Variants in PSG3 observed in about 807,000 individuals in gnomAD.
PSG3 encodes the protein pregnancy specific beta-1-glycoprotein 3.
Under a neutral mutation model 47.5 loss-of-function variants are expected in PSG3, and 61 were observed. The ratio of observed to expected loss-of-function variants is 1.28; its 90% confidence interval spans 1.05 to 1.59. The LOEUF is 1.59. Among genes scored for constraint, PSG3 ranks in the 40% most tolerant of loss-of-function variants. PSG3 has a pLI of 0.00. For synonymous variants in PSG3, 263 were observed against 198.4 expected, an observed-to-expected ratio of 1.33 and a Z score of -2.74; for missense variants, 756 against 524.0, an observed-to-expected ratio of 1.44 and a Z score of -4.32.
intron 6 of PSG3, among the ~76,000 whole-genome samples, chr19:42,722,586 T>TA (rs1465208234): frequency 6.6e-6 from 1 of 152,194 alleles, no homozygotes; most frequent in African/African-American, 2.4e-5. Flanking sequence ...TTCCCATAAA[T>TA]ATTATTTAGA....
At chr19:42,738,587 C>G in intron 2 of PSG3, 137 bp downstream of exon 2, 1 of 1,532,982 alleles carries the variant, frequency 6.5e-7, no homozygotes, top group Non-Finnish European at 9.0e-7. Context: ...CTGTGTGTGT[C>G]CTGCACTAAA....
intron 1 of PSG3, 68 bp from the exon 2 acceptor site, chr19:42,739,157 G>T (rs1329818779): frequency 2.6e-6 from 4 of 1,520,126 alleles, no homozygotes; most frequent in East Asian, 2.3e-5. Context: ...TGTGGCCCTG[G>T]GTCCTGAGAA....
intron 2 of PSG3, chr19:42,733,777 C>T (rs1405858490): frequency 1.1e-4 from 17 of 152,592 alleles, no homozygotes; most frequent in Admixed American, 1.1e-3. Context: ...GGACCAAGAC[C>T]ACGTTCCCTG....
intron 5 of PSG3, among the ~76,000 whole-genome samples, chr19:42,728,399 G>T (rs937415160): frequency 3.3e-5 from 5 of 152,124 alleles, no homozygotes; most frequent in African/African-American, 1.2e-4. Flanking sequence ...TCCGTGCTGT[G>T]TCCCAGGTGC....
At chr19:42,722,463 C>G (rs1289474189) in intron 6 of PSG3, among the ~76,000 whole-genome samples, 2 of 152,142 alleles carry the variant, frequency 1.3e-5, no homozygotes, top group East Asian at 3.9e-4. Flanking sequence ...ACCGTGTTAG[C>G]CAGGATGGTC....
At chr19:42,725,575 T>C (rs1969362933) in intron 5 of PSG3, among the ~76,000 whole-genome samples, 2 of 152,010 alleles carry the variant, frequency 1.3e-5, no homozygotes, top group African/African-American at 4.8e-5. Flanking sequence ...GAAATGAAAA[T>C]GGACTCTGAG....
chr19:42,730,453 G>A (rs534023659), intron 3 of PSG3, among the ~76,000 whole-genome samples: 5 of 152,190 alleles, frequency 3.3e-5, no homozygotes, highest in Non-Finnish European at 7.3e-5. Context: ...CCCCATAGAT[G>A]TGATTTCTCT....
At position 42,722,022 on chromosome 19, in the gene PSG3, C is replaced by T. The variant is rs1334429569; in HGVS notation, c.*109G>A. On this transcript the variant is annotated 3_prime_UTR_variant, in exon 7 of 7. Transcript: ENST00000327495. The stretch of plus-strand genomic sequence containing the variant: ...CTTGTCAGAGTCTTTTCATAAATCT[C>T]CTTGAACAAAAAGCAATTTTGGACT... The T allele has an allele frequency of 4.8e-6, 2 of 416,074 alleles. No individual in the cohort carries two copies. Among genetic ancestry groups the T allele is most frequent in the Non-Finnish European group, 8.8e-6 (2 of 226,954 alleles). 25.8% of individuals were successfully genotyped at this position (416,074 alleles called of 1,614,324 possible).
At chr19:42,739,497 C>G (rs1406473683) in intron 1 of PSG3, 13 of 194,676 alleles carry the variant, frequency 6.7e-5, no homozygotes, top group East Asian at 2.4e-4. Context: ...CAGGGTTCTT[C>G]TCAACACCTG....
chr19:42,724,008 G>T lies in PSG3; in HGVS notation c.1261C>A (p.His421Asn). The change falls in exon 6 of 7, where the codon CAT becomes AAT. Residue 421 changes from histidine to asparagine, a missense_variant. Coordinates refer to ENST00000327495, the MANE Select transcript of PSG3 (RefSeq NM_021016.4). Reference sequence around the variant, plus strand: ...TATAATGGATTAAGGCCAGGAAGATGTCCTGTTCCTGAAGGAGCTGTCATG... The same window carrying T: ...TATAATGGATTAAGGCCAGGAAGATTTCCTGTTCCTGAAGGAGCTGTCATG... Reference protein sequence around the residue: ...VKVSAPSGTGHLPGLNPL With the variant: ...VKVSAPSGTGNLPGLNPL 1 of 1,611,938 alleles carries T rather than the reference G, an allele frequency of 6.2e-7. No individual in the cohort carries two copies. Among genetic ancestry groups the T allele is most frequent in the Non-Finnish European group, 8.5e-7 (1 of 1,178,010 alleles).
intron 6 of PSG3, among the ~76,000 whole-genome samples, chr19:42,722,503 C>G (rs369989927): frequency 6.6e-6 from 1 of 152,204 alleles, no homozygotes; most frequent in Non-Finnish European, 1.5e-5. Context: ...ATCCGCCCAC[C>G]TCGGCCTCCC....
chr19:42,739,857 CTGT>C (rs1969639210), intron 1 of PSG3, among the ~76,000 whole-genome samples: 1 of 152,126 alleles, frequency 6.6e-6, no homozygotes, highest in African/African-American at 2.4e-5. Context: ...ATTCTGGTTC[CTGT>C]GACTTTCCTG....
At chr19:42,723,904 C>A in intron 6 of PSG3, 38 bp downstream of exon 6, 1 of 1,475,468 alleles carries the variant, frequency 6.8e-7, no homozygotes, top group Non-Finnish European at 9.5e-7. Context: ...TGGCAGTTAG[C>A]CCTGCAGGAA....
At position 42,740,231 on chromosome 19, in the gene PSG3, T is replaced by C. The variant is rs1310072409; in HGVS notation, c.64+90A>G. 9.9e-6 allele frequency: 16 copies of C among 1,610,250 alleles called. No individual in the cohort carries two copies. In the South Asian group the frequency reaches 1.5e-4, roughly 15 times the overall value. The stretch of plus-strand genomic sequence containing the variant: ...CCTCCCTAAGTGCTGGCTTCTTTTA[T>C]TTTTTAGAACCCCAGGAGTCTCTCC... On this transcript the variant is annotated intron_variant, in intron 1 of 6. Transcript: ENST00000327495.
chr19:42,737,598 A>T (rs1318445326), intron 2 of PSG3, among the ~76,000 whole-genome samples: 1 of 152,212 alleles, frequency 6.6e-6, no homozygotes, highest in African/African-American at 2.4e-5. Flanking sequence ...CAGACTAATC[A>T]GTTGACCGTT....
intron 2 of PSG3, among the ~76,000 whole-genome samples, chr19:42,735,548 A>C (rs1969549605): frequency 1.3e-5 from 2 of 152,038 alleles, no homozygotes; most frequent in Non-Finnish European, 2.9e-5. Context: ...TTGTATTTTT[A>C]GTAGAGACGG....
intron 2 of PSG3, 117 bp downstream of exon 2, chr19:42,738,607 C>G: frequency 6.3e-7 from 1 of 1,590,392 alleles, no homozygotes; most frequent in Non-Finnish European, 8.6e-7. Flanking sequence ...ATGCCCAAAC[C>G]CCAGCATGGG....
chr19:42,738,918 A>G lies in PSG3; in HGVS notation c.236T>C (p.Ile79Thr), dbSNP rs1402169526. ...KGQMKDLYHY[I>T]TSYVVDGQII... Reference sequence around the variant, plus strand: ...TTGACCATCTACTACGTATGATGTAATGTAATGGTAGAGGTCCTTCATTTG... The same window carrying G: ...TTGACCATCTACTACGTATGATGTAGTGTAATGGTAGAGGTCCTTCATTTG... Residue 79 changes from isoleucine to threonine, a missense_variant, in exon 2 of 7, where the codon ATT becomes ACT. By Grantham distance (89) the Ile-to-Thr change is moderately conservative (BLOSUM62 -1). Transcript: ENST00000327495. The G allele has an allele frequency of 6.2e-7, 1 of 1,614,026 alleles. No homozygotes were observed. The highest frequency in any genetic ancestry group is 2.2e-5 in the East Asian group (1 of 44,866).
At chr19:42,727,263 G>T (rs1439363887) in intron 5 of PSG3, among the ~76,000 whole-genome samples, 1 of 152,054 alleles carries the variant, frequency 6.6e-6, no homozygotes, top group African/African-American at 2.4e-5. Flanking sequence ...GGATAAATCG[G>T]ACTTCATAAA....
Sources: gnomAD v4.1 joint callset for allele counts (sites outside exome capture counted in the v4.1 genomes callset) on GRCh38, gnomAD v4.1.1 for gene constraint, MANE v1.5 for transcripts, NCBI Gene and HGNC (gene_info 2026-07-23, HGNC 2026-07-21) for gene names.